The following USP35 variants were observed in gnomAD, a reference collection of about 807,000 sequenced individuals.
USP35 encodes ubiquitin carboxyl-terminal hydrolase 35.
A neutral mutation model predicts 83.8 loss-of-function variants in USP35; 69 were observed. The observed-to-expected ratio is 0.82, with a 90% confidence interval of 0.68 to 1.01. The LOEUF is 1.01. Among genes scored for constraint, USP35 ranks in the 50% least tolerant of loss-of-function variants. The probability of loss-of-function intolerance (pLI) is 0.00; values close to 1 mark genes in which losing one functional copy is unlikely to be tolerated. For missense variants in USP35, 1,503 were observed against 1,362.5 expected (o/e 1.10, Z -1.62); for synonymous variants, 714 against 589.5 (o/e 1.21, Z -3.06).
chr11:78,208,011 T>C (rs925403233), intron 8 of USP35, among the ~76,000 whole-genome samples: 1 of 152,208 alleles, frequency 6.6e-6, no homozygotes, highest in Non-Finnish European at 1.5e-5. Flanking sequence ...GTGACGGCCT[T>C]CTTGCTGCAT....
At chr11:78,226,371 C>T in the USP35 span, 7,229 of 1,000,334 alleles carry the variant, frequency 7.2e-3, 305 homozygotes, top group African/African-American at 0.1. Flanking sequence ...TCGTAAGTTC[C>T]CCTCGGCCAT....
At chr11:78,227,142 G>A in the USP35 span, 1 of 843,946 alleles carries the variant, frequency 1.2e-6, no homozygotes, top group African/African-American at 1.7e-5. Flanking sequence ...CTATACTTTG[G>A]TTTAGGCATC....
rs533017721 is a variant in USP35 at position 78,213,689 on chromosome 11, C to T, written c.2933C>T (p.Ala978Val). ...CGGAGCAGGGCGGCCTACATCTCTG[C>T]ACTCCCCACATCTCCGCACTGGGGG... ...EARSRAAYIS[A>V]LPTSPHWGRG... is the part of the protein sequence containing the mutation. The change falls in exon 11 of 11, where the codon GCA (alanine) becomes GTA (valine). Residue 978 changes from alanine (A) to valine (V), a missense_variant. Transcript: ENST00000529308. 37 of 1,522,282 alleles carry T rather than the reference C, an allele frequency of 2.4e-5. No homozygotes were observed. In the Admixed American group the frequency reaches 8.6e-4, roughly 35 times the overall value. 94.3% of individuals were successfully genotyped at this position (1,522,282 alleles called of 1,614,324 possible).
Position 78,210,502 on chromosome 11 carries a change from AGG to A in USP35, c.2648_2649del (p.Arg883ThrfsTer12). ...RPAASLGTADRPEPENQWYLF... is the reference protein window; with the variant it reads ...RPAASLGTADXPEPENQWYLF... ...TGCCGCTTCTCTGGGAACTGCCGATAGGCCAGAGCCCGAGAACCAGTGGTACC... is the reference window on the plus strand; with the variant it reads ...TGCCGCTTCTCTGGGAACTGCCGATACCAGAGCCCGAGAACCAGTGGTACC... On this transcript the variant is annotated frameshift_variant, in exon 10 of 11. Coordinates refer to ENST00000529308, the MANE Select transcript of USP35 (RefSeq NM_020798.4). LOFTEE classifies it high-confidence loss of function. The A allele has an allele frequency of 6.2e-7, 1 of 1,614,122 alleles. No homozygotes were observed.
chr11:78,206,253 G>C (rs1342936448), intron 7 of USP35, among the ~76,000 whole-genome samples: 1 of 152,186 alleles, frequency 6.6e-6, no homozygotes, highest in Non-Finnish European at 1.5e-5. Flanking sequence ...TAAGGGGCTG[G>C]GCAGCCCTGG....
chr11:78,230,927 G>C, the USP35 span, among the ~76,000 whole-genome samples: 2 of 152,206 alleles, frequency 1.3e-5, no homozygotes, highest in African/African-American at 2.4e-5. Context: ...GTGATGACCT[G>C]AGTTGCTTTT....
At chr11:78,206,287 G>C (rs902870608) in intron 7 of USP35, among the ~76,000 whole-genome samples, 10 of 152,186 alleles carry the variant, frequency 6.6e-5, no homozygotes, top group African/African-American at 2.4e-4. Flanking sequence ...CTCTGGGTTG[G>C]CTGACATCAC....
rs1430320354 is a variant in USP35 at position 78,215,034 on chromosome 11, G to A, written c.*1221G>A. ...TGGGCCCAATGTCACAGACCCTCAA[G>A]ATGTCACATCTAAGTGACCTGTGAA... On this transcript the variant is annotated 3_prime_UTR_variant, in exon 11 of 11. Transcript: ENST00000529308. 6.6e-6 allele frequency among the ~76,000 whole-genome samples: 1 copy of A among 152,116 alleles called. No individual in the cohort carries two copies. The highest frequency in any genetic ancestry group is 1.5e-5 in the Non-Finnish European group (1 of 68,000).
At chr11:78,224,687 G>A in the USP35 span, among the ~76,000 whole-genome samples, 2 of 152,154 alleles carry the variant, frequency 1.3e-5, no homozygotes, top group East Asian at 1.9e-4. Flanking sequence ...AGGGCAGCCT[G>A]GGATCCTGCA....
chr11:78,231,534 G>C, the USP35 span, among the ~76,000 whole-genome samples: 1 of 152,194 alleles, frequency 6.6e-6, no homozygotes, highest in Non-Finnish European at 1.5e-5. Flanking sequence ...ATATTTAGTA[G>C]AGACGGGGTT....
rs1015704444 is a variant in USP35 at position 78,210,404 on chromosome 11, T to C, written c.2549T>C (p.Val850Ala). The change falls in exon 10 of 11, where the codon GTG becomes GCG. Residue 850 changes from valine (V) to alanine (A), a missense_variant. Val to Ala is a moderately conservative substitution (Grantham distance 64, BLOSUM62 0). Coordinates refer to ENST00000529308, the MANE Select transcript of USP35 (RefSeq NM_020798.4). ...GGCCAGGCCTATGACCTCTGCAGTG[T>C]GGTGGTGCACTCTGGAGTGTCTTCG... Reference protein sequence around the residue: ...GRGQAYDLCSVVVHSGVSSES... With the variant: ...GRGQAYDLCSAVVHSGVSSES... 3.1e-6 allele frequency: 5 copies of C among 1,613,868 alleles called. No individual in the cohort carries two copies. Among genetic ancestry groups the C allele is most frequent in the Admixed American group, 1.7e-5 (1 of 60,014 alleles).
intron 6 of USP35, among the ~76,000 whole-genome samples, chr11:78,202,033 C>G (rs575383057): frequency 1.2e-4 from 18 of 152,286 alleles, no homozygotes; most frequent in African/African-American, 4.1e-4. Context: ...CATAGCTAAG[C>G]TTGCAAGAAA....
intron 10 of USP35, among the ~76,000 whole-genome samples, chr11:78,211,559 C>T (rs1217864491): frequency 6.6e-6 from 1 of 152,200 alleles, no homozygotes; most frequent in Non-Finnish European, 1.5e-5. Flanking sequence ...AATTAATTTA[C>T]ACTCCCACCA....
intron 3 of USP35, 184 bp from the exon 4 acceptor site, chr11:78,199,411 G>A (rs1290407940): frequency 6.0e-6 from 5 of 839,318 alleles, no homozygotes; most frequent in Non-Finnish European, 9.2e-6. Context: ...GTGTCTGGCA[G>A]GTGGCTGTGC....
Position 78,204,269 on chromosome 11 carries a change from G to C in USP35, c.1198-1573G>C, listed in dbSNP as rs569352526. On this transcript the variant is annotated intron_variant, in intron 6 of 10. Coordinates refer to ENST00000529308, the MANE Select transcript of USP35 (RefSeq NM_020798.4). Reference sequence around the variant, plus strand: ...ACACTCCTGGTACAAGCCAGTTTGAGAGGCAAGGCAGCAAATTATAGGATT... The same window carrying C: ...ACACTCCTGGTACAAGCCAGTTTGACAGGCAAGGCAGCAAATTATAGGATT... Among the ~76,000 whole-genome samples, 5 of 152,352 alleles carry C rather than the reference G, an allele frequency of 3.3e-5. No individual in the cohort carries two copies. In the South Asian group the frequency reaches 1.0e-3, roughly 32 times the overall value.
At chr11:78,219,151 A>G, downstream of USP35, 1 of 952,042 alleles carries the variant, frequency 1.1e-6, no homozygotes, top group South Asian at 1.6e-5. Context: ...AGTGCTTTGA[A>G]GGCTGAGACT....
the USP35 span, among the ~76,000 whole-genome samples, chr11:78,234,033 CT>C: frequency 2.0e-5 from 3 of 152,162 alleles, no homozygotes; most frequent in African/African-American, 7.2e-5. Context: ...ATATAAAAAT[CT>C]TTGCTTACCT....
chr11:78,209,526 G>A lies in USP35; in HGVS notation c.1671G>A (p.Glu557=), dbSNP rs755129301. The A allele has an allele frequency of 1.9e-6, 3 of 1,614,112 alleles. No individual in the cohort carries two copies. Among genetic ancestry groups the A allele is most frequent in the Non-Finnish European group, 2.5e-6 (3 of 1,179,998 alleles). Reference sequence around the variant, plus strand: ...CCAGCTCGCCCTCTCCGCCCGAGGAGCCCCCGGCCCCAAGTTCAACCTCTG... The same window carrying A: ...CCAGCTCGCCCTCTCCGCCCGAGGAACCCCCGGCCCCAAGTTCAACCTCTG... ...KQSSSPSPPE[E]PPAPSSTSVE... The change falls in exon 10 of 11, where the codon GAG becomes GAA. Residue 557 remains glutamate (E), a synonymous_variant. Coordinates refer to ENST00000529308, the MANE Select transcript of USP35 (RefSeq NM_020798.4).
At chr11:78,236,371 G>T in the USP35 span, among the ~76,000 whole-genome samples, 1 of 152,072 alleles carries the variant, frequency 6.6e-6, no homozygotes, top group African/African-American at 2.4e-5. Context: ...GGCTGGTCTC[G>T]AACTCTTGAG....
Sources: allele counts gnomAD v4.1 joint callset (sites outside exome capture counted in the v4.1 genomes callset), GRCh38; gene constraint gnomAD v4.1.1; transcripts MANE v1.5; gene names NCBI Gene and HGNC (gene_info 2026-07-23, HGNC 2026-07-21).